Variants in GOLPH3L observed in about 807,000 individuals in gnomAD.
GOLPH3L encodes Golgi phosphoprotein 3-like.
Under a neutral mutation model 30.3 loss-of-function variants are expected in GOLPH3L, and 22 were observed. The observed-to-expected ratio is 0.73, with a 90% CI of 0.52 to 1.04. The LOEUF (loss-of-function observed/expected upper bound fraction) is 1.04, where lower values mean the gene tolerates loss of function less well. Among genes scored for constraint, GOLPH3L ranks in the 50% least tolerant of loss-of-function variants. The pLI, the probability that GOLPH3L is intolerant of heterozygous loss-of-function variation, is 0.00. For missense variants in GOLPH3L, 303 were observed against 345.8 expected (o/e 0.88, Z 0.98); for synonymous variants, 120 against 128.2 (o/e 0.94, Z 0.43).
chr1:150,653,175 CAAA>C (rs757485843), intron 4 of GOLPH3L, among the ~76,000 whole-genome samples: 1 of 76,282 alleles, frequency 1.3e-5, no homozygotes, highest in Non-Finnish European at 2.9e-5. Flanking sequence ...GCCAAAAAAA[CAAA>C]AAAAAAAAAA....
At chr1:150,677,890 T>C (rs1220263786) in intron 2 of GOLPH3L, among the ~76,000 whole-genome samples, 2 of 151,714 alleles carry the variant, frequency 1.3e-5, no homozygotes, top group Admixed American at 1.3e-4. Flanking sequence ...CCTCCCAAAG[T>C]GCTAGGATTA....
At chr1:150,674,994 T>C (rs2101803405) in intron 2 of GOLPH3L, among the ~76,000 whole-genome samples, 1 of 152,192 alleles carries the variant, frequency 6.6e-6, no homozygotes, top group East Asian at 2.0e-4. Flanking sequence ...GGGCTTGAGT[T>C]ATCCTCCCTT....
Position 150,685,220 on chromosome 1 carries a change from T to C in GOLPH3L, c.183+9436A>G, listed in dbSNP as rs185198072. ...TCATTCAGAATTCCTTACAGTAGTA[T>C]TTTCCCTTTTTCTGACATTATTGAT... On this transcript the variant is annotated intron_variant, in intron 2 of 4. Coordinates refer to ENST00000271732, the MANE Select transcript of GOLPH3L (RefSeq NM_018178.6). Among the ~76,000 whole-genome samples, 46 of 152,284 alleles carry C rather than the reference T, an allele frequency of 3.0e-4. 1 individual carries two copies. Among genetic ancestry groups the C allele is most frequent in the African/African-American group, 1.1e-3 (44 of 41,556 alleles).
At chr1:150,669,165 A>G (rs1404058888) in intron 2 of GOLPH3L, among the ~76,000 whole-genome samples, 1 of 152,186 alleles carries the variant, frequency 6.6e-6, no homozygotes, top group Non-Finnish European at 1.5e-5. Context: ...AAATAATTAT[A>G]AAACAAACAC....
intron 2 of GOLPH3L, among the ~76,000 whole-genome samples, chr1:150,686,152 C>G (rs1651082202): frequency 1.3e-5 from 2 of 152,048 alleles, no homozygotes; most frequent in African/African-American, 2.4e-5. Context: ...GGATTACAGG[C>G]GTGAGCTACC....
Position 150,646,596 on chromosome 1 carries a change from A to C in GOLPH3L, c.*1725T>G, listed in dbSNP as rs189793739. The C allele has an allele frequency of 6.6e-6, 1 of 152,318 alleles. No homozygotes were observed. The highest frequency in any genetic ancestry group is 6.5e-5 in the Admixed American group (1 of 15,294). The allele number at this position is 152,318 out of a possible 1,614,324, so 9.4% of individuals were successfully genotyped here. ...TTACAATTTATATCTCTATTTGCCT[A>C]AGAGATACCTAAAGTGAAAAACAAA... On this transcript the variant is annotated 3_prime_UTR_variant, in exon 5 of 5. Transcript: ENST00000271732.
intron 2 of GOLPH3L, among the ~76,000 whole-genome samples, chr1:150,693,837 A>ATTTTTTT (rs1557791421): frequency 1.2e-5 from 1 of 83,610 alleles, no homozygotes; most frequent in Non-Finnish European, 2.3e-5. Context: ...ATATATATAT[A>ATTTTTTT]TATATATATA....
chr1:150,648,499 AC>A lies in GOLPH3L; in HGVS notation c.679del (p.Val227CysfsTer2), dbSNP rs745790152. 1 of 1,613,740 alleles carries A rather than the reference AC, an allele frequency of 6.2e-7. No individual in the cohort carries two copies. Among genetic ancestry groups the A allele is most frequent in the African/African-American group, 1.3e-5 (1 of 74,876 alleles). ...TAGCACATCAGAGGAGTGGGCTAGCACCAGGAGTGCTAGTGTTCGCTTGTCC... is the reference window on the plus strand; with the variant it reads ...TAGCACATCAGAGGAGTGGGCTAGCACAGGAGTGCTAGTGTTCGCTTGTCC... ...RMDKRTLALL[V>X]LAHSSDVLEN... On this transcript the variant is annotated frameshift_variant, in exon 5 of 5. Transcript: ENST00000271732. LOFTEE classifies it high-confidence loss of function.
intron 2 of GOLPH3L, among the ~76,000 whole-genome samples, chr1:150,678,820 G>A (rs1422077689): frequency 6.6e-6 from 1 of 152,200 alleles, no homozygotes; most frequent in East Asian, 1.9e-4. Flanking sequence ...CTGGTGTGGT[G>A]GCACACGCCT....
At chr1:150,654,857 C>G (rs192270950) in intron 4 of GOLPH3L, among the ~76,000 whole-genome samples, 1 of 152,112 alleles carries the variant, frequency 6.6e-6, no homozygotes, top group Non-Finnish European at 1.5e-5. Flanking sequence ...CCCTTGCCAG[C>G]GGGAACGATA....
chr1:150,689,626 A>G lies in GOLPH3L; in HGVS notation c.183+5030T>C, dbSNP rs587771837. ...ATTTCTTGATTGTTTTCATAAGACA[A>G]TGATACTTAATATTTAATTTAATTA... On this transcript the variant is annotated intron_variant, in intron 2 of 4. Transcript: ENST00000271732. Among the ~76,000 whole-genome samples the G allele has an allele frequency of 2.6e-5, 4 of 152,270 alleles. No individual in the cohort carries two copies. The South Asian group carries it at 8.3e-4, about 32-fold the overall frequency.
intron 4 of GOLPH3L, among the ~76,000 whole-genome samples, chr1:150,652,213 T>C (rs913559140): frequency 1.3e-5 from 2 of 151,610 alleles, no homozygotes; most frequent in Non-Finnish European, 2.9e-5. Flanking sequence ...ACTGGCAAAC[T>C]ATCTTTCAGA....
intron 2 of GOLPH3L, among the ~76,000 whole-genome samples, chr1:150,683,200 A>G (rs1650999616): frequency 6.6e-6 from 1 of 152,152 alleles, no homozygotes; most frequent in Non-Finnish European, 1.5e-5. Context: ...TCAGGAGTTC[A>G]TGACCTGCCC....
At chr1:150,649,184 G>T (rs1223696676) in intron 4 of GOLPH3L, among the ~76,000 whole-genome samples, 1 of 152,186 alleles carries the variant, frequency 6.6e-6, no homozygotes, top group African/African-American at 2.4e-5. Context: ...ACAATATTTA[G>T]ACTTCAATTG....
intron 1 of GOLPH3L, among the ~76,000 whole-genome samples, chr1:150,695,070 C>T (rs1352335814): frequency 2.0e-5 from 3 of 152,122 alleles, no homozygotes; most frequent in Non-Finnish European, 4.4e-5. Flanking sequence ...GACAAAAGAT[C>T]AAATGAGTAA....
At chr1:150,687,048 GA>G (rs949908155) in intron 2 of GOLPH3L, among the ~76,000 whole-genome samples, 24 of 152,052 alleles carry the variant, frequency 1.6e-4, no homozygotes, top group African/African-American at 5.6e-4. Flanking sequence ...GCTACTGGGA[GA>G]CTTATTGTTC....
At chr1:150,671,511 A>G (rs1427938826) in intron 2 of GOLPH3L, among the ~76,000 whole-genome samples, 1 of 151,964 alleles carries the variant, frequency 6.6e-6, no homozygotes, top group East Asian at 1.9e-4. Context: ...CTTGGCAAAA[A>G]AAGAGGAAAG....
intron 2 of GOLPH3L, among the ~76,000 whole-genome samples, chr1:150,693,223 T>A (rs1651251932): frequency 6.6e-6 from 1 of 152,026 alleles, no homozygotes; most frequent in African/African-American, 2.4e-5. Flanking sequence ...AGTTGGTAAT[T>A]TAACAAGAAA....
chr1:150,690,743 CG>C (rs1553188894), intron 2 of GOLPH3L, among the ~76,000 whole-genome samples: 3 of 152,172 alleles, frequency 2.0e-5, no homozygotes. Context: ...TCATCCAGAA[CG>C]TGTTTCCTTT....
Sources: allele counts gnomAD v4.1 joint callset (sites outside exome capture counted in the v4.1 genomes callset), GRCh38; gene constraint gnomAD v4.1.1; transcripts MANE v1.5; gene names NCBI Gene and HGNC (gene_info 2026-07-23, HGNC 2026-07-21).